Variants in PGM2 observed in about 807,000 individuals in gnomAD.
PGM2 encodes phosphoglucomutase 2.
PGM2 carries 57 observed loss-of-function variants against 74.6 expected under a neutral mutation model. That is an observed-to-expected ratio of 0.76 (90% CI 0.62 to 0.95). The LOEUF is 0.95. PGM2 is among the 40% of genes least tolerant of loss of function. The pLI, the probability that PGM2 is intolerant of heterozygous loss-of-function variation, is 0.00. For synonymous variants in PGM2, 273 were observed against 260.7 expected, an observed-to-expected ratio of 1.05 and a Z score of -0.46; for missense variants, 706 against 741.9, an observed-to-expected ratio of 0.95 and a Z score of 0.56.
chr4:37,855,553 T>C lies in PGM2; in HGVS notation c.1603-55T>C, dbSNP rs563485052. 107 of 1,477,274 alleles carry C rather than the reference T, an allele frequency of 7.2e-5. No homozygotes were observed. The African/African-American group carries it at 8.5e-4, about 12-fold the overall frequency. The allele number at this position is 1,477,274 out of a possible 1,614,324, so 91.5% of individuals were successfully genotyped here. On this transcript the variant is annotated intron_variant, in intron 12 of 13. Transcript: ENST00000381967. ...TTTCTTACTTATGCAAGAGAAGATA[T>C]TGGTTAGGCCAGAATGTTACTATTT...
chr4:37,834,669 A>G lies in PGM2; in HGVS notation c.301A>G (p.Ile101Val). 6.2e-7 allele frequency: 1 copy of G among 1,604,564 alleles called. No homozygotes were observed. Among genetic ancestry groups the G allele is most frequent in the Non-Finnish European group, 8.5e-7 (1 of 1,172,750 alleles). Residue 101 changes from isoleucine (I) to valine (V), a missense_variant, in exon 3 of 14, where the codon ATC becomes GTC. Coordinates refer to ENST00000381967, the MANE Select transcript of PGM2 (RefSeq NM_018290.4). ...ATTCAGTGACTTAAAGCAGAAAGGC[A>G]TCGTGATCAGTTTTGACGCCCGAGC... ...KQFSDLKQKG[I>V]VISFDARAHP...
intron 6 of PGM2, among the ~76,000 whole-genome samples, chr4:37,842,842 T>G (rs1221747199): frequency 6.6e-6 from 1 of 152,054 alleles, no homozygotes; most frequent in East Asian, 1.9e-4. Flanking sequence ...TTGTATTTTT[T>G]TGTAGAGATA....
rs11358189 is a variant in PGM2 at position 37,853,359 on chromosome 4, C to CTT, written c.1603-2227_1603-2226dup. The stretch of plus-strand genomic sequence containing the variant: ...TGCTGTGTTGCCCAGGGTGATATTC[C>CTT]TTTTTTTTTTTTTTTTTTTTTTTAA... On this transcript the variant is annotated intron_variant, in intron 12 of 13. Transcript: ENST00000381967. 6.4e-5 allele frequency among the ~76,000 whole-genome samples: 8 copies of CTT among 125,146 alleles called. No homozygotes were observed. In the South Asian group the frequency reaches 7.7e-4, roughly 12 times the overall value. 82.1% of individuals were successfully genotyped at this position (125,146 alleles called of 152,430 possible). A position where few individuals can be genotyped will look rare whatever the true frequency, so the allele number is the denominator to read the frequency against.
intron 2 of PGM2, among the ~76,000 whole-genome samples, chr4:37,833,662 CTT>C (rs763325818): frequency 5.9e-5 from 9 of 152,156 alleles, no homozygotes; most frequent in African/African-American, 1.4e-4. Context: ...CCAGAGTTCT[CTT>C]TGTTTTATAT....
intron 13 of PGM2, among the ~76,000 whole-genome samples, chr4:37,858,845 T>A (rs759668208): frequency 1.2e-4 from 19 of 152,202 alleles, no homozygotes; most frequent in Non-Finnish European, 2.4e-4. Flanking sequence ...TTTGTCCAAC[T>A]TTTTTATTTT....
At chr4:37,850,647 C>A (rs1370608338) in intron 12 of PGM2, among the ~76,000 whole-genome samples, 2 of 151,054 alleles carry the variant, frequency 1.3e-5, no homozygotes, top group Non-Finnish European at 3.0e-5. Flanking sequence ...TTAAAAAATA[C>A]AAAAATTAGC....
chr4:37,829,849 T>C (rs981482717), intron 1 of PGM2, 115 bp from the exon 2 acceptor site: 21 of 256,154 alleles, frequency 8.2e-5, no homozygotes, highest in Non-Finnish European at 1.2e-4. Context: ...AAGGTCTACA[T>C]ATATATATAT....
chr4:37,845,524 T>C, intron 7 of PGM2, 109 bp from the exon 8 acceptor site: 1 of 728,272 alleles, frequency 1.4e-6, no homozygotes, highest in Non-Finnish European at 2.4e-6. Flanking sequence ...ATATTATCTT[T>C]CTAAGAGGGG....
intron 5 of PGM2, 54 bp downstream of exon 5, chr4:37,839,985 T>C: frequency 6.7e-7 from 1 of 1,499,108 alleles, no homozygotes; most frequent in Non-Finnish European, 9.3e-7. Context: ...ATCCTGTATC[T>C]GTAATTTTTG....
chr4:37,845,608 CTT>C, intron 7 of PGM2, 23 bp from the exon 8 acceptor site: 1 of 1,468,138 alleles, frequency 6.8e-7, no homozygotes. Flanking sequence ...ATTAAATAAT[CTT>C]TTATTTTCAT....
intron 6 of PGM2, 136 bp downstream of exon 6, chr4:37,840,395 T>A: frequency 1.6e-6 from 1 of 612,538 alleles, no homozygotes; most frequent in Non-Finnish European, 2.8e-6. Context: ...TTTTATTTAC[T>A]TATTTTGAGA....
chr4:37,849,737 AATT>A (rs1467049515), intron 11 of PGM2, among the ~76,000 whole-genome samples: 1 of 150,958 alleles, frequency 6.6e-6, no homozygotes, highest in Non-Finnish European at 1.5e-5. Flanking sequence ...GTCTTTTAAA[AATT>A]ATTCCTTTGG....
At chr4:37,859,420 T>C (rs943830555) in intron 13 of PGM2, among the ~76,000 whole-genome samples, 32 of 152,164 alleles carry the variant, frequency 2.1e-4, no homozygotes, top group Non-Finnish European at 4.6e-4. Context: ...GTCTGAAATC[T>C]GCAGGGCAGG....
At chr4:37,849,609 A>G (rs1472667653) in intron 11 of PGM2, among the ~76,000 whole-genome samples, 3 of 151,584 alleles carry the variant, frequency 2.0e-5, no homozygotes, top group Non-Finnish European at 4.4e-5. Flanking sequence ...GGGTTTCACC[A>G]TATTGGCCAG....
intron 13 of PGM2, among the ~76,000 whole-genome samples, chr4:37,859,604 AT>A (rs201401446): frequency 0.023 from 3,537 of 152,258 alleles, 67 homozygotes; most frequent in Non-Finnish European, 0.034. Flanking sequence ...ATAGATATTA[AT>A]CACACCTACA....
At chr4:37,843,894 CT>C (rs1725796010) in intron 6 of PGM2, among the ~76,000 whole-genome samples, 1 of 152,130 alleles carries the variant, frequency 6.6e-6, no homozygotes, top group African/African-American at 2.4e-5. Flanking sequence ...TTTTTTATAT[CT>C]TTATGTATGG....
At chr4:37,829,205 G>A (rs573114887) in intron 1 of PGM2, among the ~76,000 whole-genome samples, 2 of 152,104 alleles carry the variant, frequency 1.3e-5, no homozygotes, top group African/African-American at 4.8e-5. Context: ...ATAGGGCAAT[G>A]TATAATGAAC....
chr4:37,855,407 A>G (rs1396515312), intron 12 of PGM2, among the ~76,000 whole-genome samples: 1 of 152,230 alleles, frequency 6.6e-6, no homozygotes, highest in Non-Finnish European at 1.5e-5. Context: ...ATAGTATTCC[A>G]TATAGTAGAC....
At chr4:37,838,082 C>T (rs1725616557) in intron 4 of PGM2, among the ~76,000 whole-genome samples, 1 of 152,124 alleles carries the variant, frequency 6.6e-6, no homozygotes, top group Non-Finnish European at 1.5e-5. Flanking sequence ...GGTTTCACCA[C>T]GTTGGCCACG....
Sources: allele counts gnomAD v4.1 joint callset (sites outside exome capture counted in the v4.1 genomes callset), GRCh38; gene constraint gnomAD v4.1.1; transcripts MANE v1.5; gene names NCBI Gene and HGNC (gene_info 2026-07-23, HGNC 2026-07-21).